The following SHPRH variants were observed in gnomAD, a reference collection of about 807,000 sequenced individuals.
SHPRH encodes E3 ubiquitin-protein ligase SHPRH.
SHPRH carries 106 observed loss-of-function variants against 202.5 expected under a neutral mutation model. The ratio of observed to expected loss-of-function variants is 0.52; its 90% CI spans 0.45 to 0.62. The LOEUF is 0.62. Among genes scored for constraint, SHPRH ranks in the 20% least tolerant of loss-of-function variants. The probability of loss-of-function intolerance (pLI) is 0.00; values close to 1 mark genes in which losing one functional copy is unlikely to be tolerated. For missense variants in SHPRH, 1,710 were observed against 2,020.0 expected, an observed-to-expected ratio of 0.85 and a Z score of 2.94; for synonymous variants, 729 against 686.0, an observed-to-expected ratio of 1.06 and a Z score of -0.98.
At chr6:145,879,607 T>C (rs1780460090) in intron 2 of SHPRH, among the ~76,000 whole-genome samples, 1 of 152,158 alleles carries the variant, frequency 6.6e-6, no homozygotes, top group African/African-American at 2.4e-5. Flanking sequence ...CTCTTCTGTA[T>C]TCAGTAGAAA....
At chr6:145,883,212 A>G (rs893389451), downstream of SHPRH, 3 of 152,242 alleles carry the variant, frequency 2.0e-5, no homozygotes, top group African/African-American at 7.2e-5. Flanking sequence ...CAGGAAAAGA[A>G]GCATAAGCTG....
At position 145,921,472 on chromosome 6, in the gene SHPRH, C is replaced by T. The variant is rs184879445; in HGVS notation, c.3783-80G>A. On this transcript the variant is annotated intron_variant, in intron 20 of 29. Transcript: ENST00000275233. ...ACCTTCAATGTGAGTTCTAAAAGAACATGTTTGCAAGTCTTTGGAAAAACC... is the reference window on the plus strand; with the variant it reads ...ACCTTCAATGTGAGTTCTAAAAGAATATGTTTGCAAGTCTTTGGAAAAACC... 312 of 1,363,362 alleles carry T rather than the reference C, an allele frequency of 2.3e-4. 1 individual carries two copies. In the African/African-American group the frequency reaches 2.7e-3, roughly 12 times the overall value. The allele number at this position is 1,363,362 out of a possible 1,614,324, so 84.5% of individuals were successfully genotyped here.
downstream of SHPRH, among the ~76,000 whole-genome samples, chr6:145,882,326 G>A (rs142386417): frequency 8.8e-4 from 134 of 152,238 alleles, no homozygotes; most frequent in African/African-American, 3.1e-3. Flanking sequence ...CTATCATGCT[G>A]GCAGAAAATC....
Position 145,888,067 on chromosome 6 carries a change from T to C in SHPRH, c.4908A>G (p.Ala1636=), listed in dbSNP as rs773438300. Residue 1636 remains alanine, a synonymous_variant, in exon 29 of 30, where the codon GCA becomes GCG. Transcript: ENST00000275233. ...TTGCCTGCATTCTTTCTTCTATTGT[T>C]GCTTTAATTAAGAATCTGTGTACAA... ...PTIVHRFLIK[A]TIEERMQAML... is the part of the protein sequence containing the mutation. 61 of 1,612,986 alleles carry C rather than the reference T, an allele frequency of 3.8e-5. No homozygotes were observed. Among genetic ancestry groups the C allele is most frequent in the Non-Finnish European group, 5.1e-5 (60 of 1,179,278 alleles).
intron 28 of SHPRH, among the ~76,000 whole-genome samples, chr6:145,890,972 C>T (rs1210966469): frequency 1.3e-5 from 2 of 151,984 alleles, no homozygotes; most frequent in Non-Finnish European, 2.9e-5. Context: ...CTTCAGCTCT[C>T]ACCAGGATGA....
intron 25 of SHPRH, chr6:145,904,364 C>T (rs910939864): frequency 5.9e-5 from 9 of 151,780 alleles, no homozygotes; most frequent in South Asian, 4.2e-4. Flanking sequence ...AAGAAAAAAA[C>T]TAGGTTTAGA....
At chr6:145,910,762 G>C in intron 24 of SHPRH, 126 bp from the exon 25 acceptor site, 1 of 867,954 alleles carries the variant, frequency 1.2e-6, no homozygotes, top group Non-Finnish European at 1.6e-6. Context: ...TTGTCATAAA[G>C]CCAAGTTGTG....
chr6:145,885,055 A>C lies in SHPRH; in HGVS notation c.*1636T>G, dbSNP rs1780879880. ...CTTCTGAATCTCAGCATGACATGTT[A>C]TTAGTAAAAGAATGTAAGATATGGA... is the stretch of plus-strand genomic sequence containing the variant. On this transcript the variant is annotated 3_prime_UTR_variant, in exon 30 of 30. Transcript: ENST00000275233. 1 of 152,202 alleles carries C rather than the reference A, an allele frequency of 6.6e-6. No individual in the cohort carries two copies. The highest frequency in any genetic ancestry group is 2.1e-4 in the South Asian group (1 of 4,830). The allele number at this position is 152,202 out of a possible 1,614,324, so 9.4% of individuals were successfully genotyped here.
At chr6:145,943,840 T>G in intron 8 of SHPRH, 38 bp from the exon 9 acceptor site, 5 of 1,495,450 alleles carry the variant, frequency 3.3e-6, no homozygotes, top group Non-Finnish European at 4.5e-6. Flanking sequence ...TTGCAACTAG[T>G]TGCATTTCTG....
intron 2 of SHPRH, 135 bp downstream of exon 2, chr6:145,954,555 A>C (rs929742716): frequency 4.5e-6 from 4 of 898,728 alleles, no homozygotes; most frequent in Middle Eastern, 3.1e-4. Flanking sequence ...TAGTTATTAA[A>C]AGCTTAAAGT....
chr6:145,880,121 C>T (rs896750212), downstream of SHPRH, among the ~76,000 whole-genome samples: 1 of 151,984 alleles, frequency 6.6e-6, no homozygotes, highest in Non-Finnish European at 1.5e-5. Context: ...GAAAACAGAA[C>T]ATTTACTGTT....
chr6:145,898,759 C>T (rs76877060), intron 25 of SHPRH, among the ~76,000 whole-genome samples: 3,390 of 152,220 alleles, frequency 0.022, 48 homozygotes, highest in Admixed American at 0.032. Flanking sequence ...GAAGCCCTCA[C>T]CAGAAGGGCC....
intron 11 of SHPRH, among the ~76,000 whole-genome samples, chr6:145,939,340 T>C (rs1027075814): frequency 6.6e-6 from 1 of 152,202 alleles, no homozygotes; most frequent in Non-Finnish European, 1.5e-5. Flanking sequence ...TCAAAACTTT[T>C]CAAATGTGGT....
intron 25 of SHPRH, among the ~76,000 whole-genome samples, chr6:145,898,119 C>T (rs1161347027): frequency 6.6e-6 from 1 of 151,994 alleles, no homozygotes; most frequent in Admixed American, 6.6e-5. Context: ...CTAAAGATTC[C>T]ACCAAAAATC....
intron 24 of SHPRH, among the ~76,000 whole-genome samples, chr6:145,911,433 G>A (rs1426723687): frequency 6.6e-6 from 1 of 151,998 alleles, no homozygotes; most frequent in Non-Finnish European, 1.5e-5. Context: ...AAAAAGAAAT[G>A]TTTAAGAAAC....
At chr6:145,858,816 A>G in the SHPRH span, among the ~76,000 whole-genome samples, 1 of 152,020 alleles carries the variant, frequency 6.6e-6, no homozygotes, top group African/African-American at 2.4e-5. Context: ...GAAACCTTAA[A>G]GGCTCAAAAT....
chr6:145,862,373 G>A (rs1165402170), downstream of SHPRH, among the ~76,000 whole-genome samples: 1 of 151,866 alleles, frequency 6.6e-6, no homozygotes, highest in African/African-American at 2.4e-5. Flanking sequence ...AGAATGGCGT[G>A]AACCCGGGAG....
At chr6:145,902,612 T>C (rs1281599231) in intron 25 of SHPRH, among the ~76,000 whole-genome samples, 1 of 150,950 alleles carries the variant, frequency 6.6e-6, no homozygotes, top group Non-Finnish European at 1.5e-5. Flanking sequence ...AGGAAGTGCT[T>C]TTCATGCACT....
chr6:145,912,875 T>A lies in SHPRH; in HGVS notation c.4326+603A>T, dbSNP rs146710885. 1.0e-3 allele frequency among the ~76,000 whole-genome samples: 158 copies of A among 152,182 alleles called. 3 individuals carry two copies. The East Asian group carries it at 0.025, about 24-fold the overall frequency. ...GATATATATATATATAGATTTATCA[T>A]AGAAAGCAGAAACTTGTATTTTCAT... On this transcript the variant is annotated intron_variant, in intron 24 of 29. Coordinates refer to ENST00000275233, the MANE Select transcript of SHPRH (RefSeq NM_001042683.3).
Sources: allele counts gnomAD v4.1 joint callset (sites outside exome capture counted in the v4.1 genomes callset), GRCh38; gene constraint gnomAD v4.1.1; transcripts MANE v1.5; gene names NCBI Gene and HGNC (gene_info 2026-07-23, HGNC 2026-07-21).